The following ANKRD44 variants were observed in gnomAD, a reference collection of about 807,000 sequenced individuals.
The protein encoded by ANKRD44 is ankyrin repeat domain 44.
A neutral mutation model predicts 116.0 loss-of-function variants in ANKRD44; 35 were observed. That is an observed-to-expected ratio of 0.30 (90% CI 0.23 to 0.40). ANKRD44 has a LOEUF of 0.40. ANKRD44 is among the 10% of genes least tolerant of loss of function. The probability of loss-of-function intolerance (pLI) is 1.00; values close to 1 mark genes in which losing one functional copy is unlikely to be tolerated. For synonymous variants in ANKRD44, 435 were observed against 461.8 expected (o/e 0.94, Z 0.74); for missense variants, 1,014 against 1,242.6 (o/e 0.82, Z 2.77).
intron 2 of ANKRD44, among the ~76,000 whole-genome samples, chr2:197,169,754 C>A (rs1037302668): frequency 6.6e-6 from 1 of 152,186 alleles, no homozygotes; most frequent in African/African-American, 2.4e-5. Flanking sequence ...TTTTAACAAG[C>A]CTTCCAGGAT....
intron 21 of ANKRD44, among the ~76,000 whole-genome samples, chr2:196,972,303 A>G (rs1248992717): frequency 6.6e-6 from 1 of 152,184 alleles, no homozygotes; most frequent in African/African-American, 2.4e-5. Context: ...TCCCAGGTTC[A>G]AGCAATTCGC....
intron 21 of ANKRD44, among the ~76,000 whole-genome samples, chr2:196,979,688 G>A (rs2075787205): frequency 6.7e-6 from 1 of 148,910 alleles, no homozygotes; most frequent in African/African-American, 2.5e-5. Context: ...TCAGCCTCCC[G>A]AGTAGCTGGG....
chr2:196,994,181 G>T (rs2075970442), intron 26 of ANKRD44, among the ~76,000 whole-genome samples: 1 of 152,160 alleles, frequency 6.6e-6, no homozygotes, highest in South Asian at 2.1e-4. Flanking sequence ...TACTGCTTAA[G>T]AATCTTTTTC....
chr2:197,015,597 C>T, intron 17 of ANKRD44: 2 of 529,984 alleles, frequency 3.8e-6, no homozygotes, highest in East Asian at 3.5e-5. Context: ...GTAATTTTGG[C>T]TGTGGTAGAA....
At position 197,147,030 on chromosome 2, in the gene ANKRD44, A is replaced by G. The variant is rs1337727111; in HGVS notation, c.187T>C (p.Ser63Pro). 1 of 1,613,446 alleles carries G rather than the reference A, an allele frequency of 6.2e-7. No homozygotes were observed. The highest frequency in any genetic ancestry group is 8.5e-7 in the Non-Finnish European group (1 of 1,179,594). Residue 63 changes from serine to proline, a missense_variant, in exon 3 of 28, where the codon TCA (serine) becomes CCA (proline). Transcript: ENST00000282272. ...DAEIIELLIL[S>P]GARVNAKDNM... ...TTTGAGTATAGCAGTTATTTACCTG[A>G]CAAAATCAGGAGTTCAATGATCTCT...
intron 12 of ANKRD44, among the ~76,000 whole-genome samples, chr2:197,088,217 C>T (rs1293749865): frequency 6.6e-6 from 1 of 152,188 alleles, no homozygotes; most frequent in African/African-American, 2.4e-5. Flanking sequence ...GATTAAATCA[C>T]TTCTTGCCTG....
chr2:197,284,904 T>A (rs199501168), intron 1 of ANKRD44, among the ~76,000 whole-genome samples: 2 of 151,084 alleles, frequency 1.3e-5, no homozygotes, highest in Non-Finnish European at 2.9e-5. Flanking sequence ...AAAAATTAAA[T>A]TTTTTTTTAC....
chr2:197,221,307 T>A (rs2081580260), intron 1 of ANKRD44, among the ~76,000 whole-genome samples: 1 of 151,838 alleles, frequency 6.6e-6, no homozygotes, highest in South Asian at 2.1e-4. Context: ...AGACAGAGTC[T>A]TACTCTGTTG....
chr2:197,226,172 A>C (rs2081707785), intron 1 of ANKRD44, among the ~76,000 whole-genome samples: 1 of 152,184 alleles, frequency 6.6e-6, no homozygotes, highest in Admixed American at 6.5e-5. Context: ...TTGGTTAGAG[A>C]CCAACTATAT....
chr2:197,268,504 CAAGAG>C (rs1038016508), intron 1 of ANKRD44, among the ~76,000 whole-genome samples: 55 of 152,260 alleles, frequency 3.6e-4, no homozygotes, highest in African/African-American at 1.2e-3. Context: ...TTTAAGTCTG[CAAGAG>C]AAGTATACTG....
chr2:197,069,111 T>C (rs1030653447), intron 16 of ANKRD44, among the ~76,000 whole-genome samples: 2 of 152,154 alleles, frequency 1.3e-5, no homozygotes, highest in Non-Finnish European at 2.9e-5. Flanking sequence ...TGGAATACTA[T>C]GCAGCCATAA....
At chr2:197,217,098 G>A (rs1166978880) in intron 1 of ANKRD44, among the ~76,000 whole-genome samples, 2 of 152,160 alleles carry the variant, frequency 1.3e-5, no homozygotes, top group Non-Finnish European at 2.9e-5. Context: ...ACTGAGTCTG[G>A]TTTTGCTGAT....
At chr2:197,025,294 T>C in intron 16 of ANKRD44, 27 bp from the exon 17 acceptor site, 5 of 1,590,062 alleles carry the variant, frequency 3.1e-6, no homozygotes, top group Non-Finnish European at 3.4e-6. Flanking sequence ...CAAACAATAG[T>C]ACGTGAGTCC....
chr2:197,049,724 C>T (rs2077070574), intron 16 of ANKRD44, among the ~76,000 whole-genome samples: 1 of 151,982 alleles, frequency 6.6e-6, no homozygotes, highest in South Asian at 2.1e-4. Flanking sequence ...TGAAGTGACC[C>T]TCCAGTCTCA....
chr2:197,062,116 T>C (rs1179052550), intron 16 of ANKRD44, among the ~76,000 whole-genome samples: 1 of 152,218 alleles, frequency 6.6e-6, no homozygotes, highest in African/African-American at 2.4e-5. Context: ...CCATGGTTCC[T>C]AGCACATTTC....
At chr2:197,295,849 C>T (rs2083704799) in intron 1 of ANKRD44, among the ~76,000 whole-genome samples, 1 of 152,076 alleles carries the variant, frequency 6.6e-6, no homozygotes, top group Non-Finnish European at 1.5e-5. Context: ...CCCTTGAGTT[C>T]AGGAGTTCAA....
chr2:197,188,846 C>T (rs989102045), intron 1 of ANKRD44, among the ~76,000 whole-genome samples: 8 of 152,002 alleles, frequency 5.3e-5, no homozygotes, highest in Admixed American at 4.6e-4. Context: ...TAAGAATCAC[C>T]GGAGATGCCT....
intron 1 of ANKRD44, among the ~76,000 whole-genome samples, chr2:197,258,167 A>G (rs535132498): frequency 2.0e-5 from 3 of 146,506 alleles, no homozygotes; most frequent in South Asian, 2.2e-4. Flanking sequence ...CAGTGGTGTG[A>G]TCTTGGCTTC....
chr2:197,012,315 A>AGG (rs1450358434), intron 18 of ANKRD44, among the ~76,000 whole-genome samples: 1 of 152,190 alleles, frequency 6.6e-6, no homozygotes, highest in Non-Finnish European at 1.5e-5. Flanking sequence ...CCTGTTTATA[A>AGG]GGGCGATTTT....
Sources: gnomAD v4.1 joint callset for allele counts (sites outside exome capture counted in the v4.1 genomes callset) on GRCh38, gnomAD v4.1.1 for gene constraint, MANE v1.5 for transcripts, NCBI Gene and HGNC (gene_info 2026-07-23, HGNC 2026-07-21) for gene names.